NFIB: variants seen among roughly 807,000 people sequenced by gnomAD.
NFIB encodes nuclear factor 1 B-type.
A neutral mutation model predicts 61.5 loss-of-function variants in NFIB; 11 were observed. That is an observed-to-expected ratio of 0.18 (90% CI 0.11 to 0.30). The LOEUF is 0.30. Among genes scored for constraint, NFIB ranks in the 10% least tolerant of loss-of-function variants. The pLI is 1.00. For synonymous variants in NFIB, 260 were observed against 216.5 expected (o/e 1.20, Z -1.76); for missense variants, 471 against 608.9 (o/e 0.77, Z 2.38).
At chr9:14,148,319 G>A (rs2042501999) in intron 5 of NFIB, among the ~76,000 whole-genome samples, 2 of 151,860 alleles carry the variant, frequency 1.3e-5, no homozygotes, top group African/African-American at 4.8e-5. Flanking sequence ...AGAGGGAGTT[G>A]TCCAGGCTGG....
chr9:14,164,741 G>C (rs548072309), intron 3 of NFIB, among the ~76,000 whole-genome samples: 3 of 152,226 alleles, frequency 2.0e-5, no homozygotes, highest in Admixed American at 2.0e-4. Context: ...TGAGTGGACC[G>C]ATTATCCTAG....
the NFIB span, among the ~76,000 whole-genome samples, chr9:14,512,057 C>T: frequency 6.6e-6 from 1 of 152,156 alleles, no homozygotes; most frequent in African/African-American, 2.4e-5. Context: ...ATTTACATTA[C>T]TTGTCTGGTT....
chr9:14,392,396 T>G (rs907297527), intron 1 of NFIB, among the ~76,000 whole-genome samples: 2 of 152,236 alleles, frequency 1.3e-5, no homozygotes, highest in Non-Finnish European at 2.9e-5. Flanking sequence ...TTATATTATC[T>G]TTACAACTTT....
At chr9:14,486,702 CACACACACACACAT>C in the NFIB span, among the ~76,000 whole-genome samples, 2 of 151,806 alleles carry the variant, frequency 1.3e-5, no homozygotes, top group Non-Finnish European at 2.9e-5. Flanking sequence ...TAAATACACA[CACACACACACACAT>C]ACACACACAG....
At chr9:14,174,766 CAAA>C (rs546288962) in intron 3 of NFIB, among the ~76,000 whole-genome samples, 2 of 56,004 alleles carry the variant, frequency 3.6e-5, no homozygotes, top group Non-Finnish European at 4.3e-5. Context: ...GACTCCATCT[CAAA>C]AAAAAAAAAA....
chr9:14,400,631 CTA>C (rs1248920111), upstream of NFIB, among the ~76,000 whole-genome samples: 2 of 152,078 alleles, frequency 1.3e-5, no homozygotes, highest in Admixed American at 6.6e-5. Flanking sequence ...CACATAATAA[CTA>C]TTGAATAATG....
chr9:14,262,040 G>A (rs1267949082), intron 2 of NFIB, among the ~76,000 whole-genome samples: 4 of 152,122 alleles, frequency 2.6e-5, no homozygotes, highest in Non-Finnish European at 5.9e-5. Flanking sequence ...CCACATTTTG[G>A]TGTATCGGTT....
chr9:14,269,890 G>T (rs1588044963), intron 2 of NFIB, among the ~76,000 whole-genome samples: 1 of 152,174 alleles, frequency 6.6e-6, no homozygotes, highest in East Asian at 1.9e-4. Context: ...TTACTCCTCT[G>T]AAAACTACAG....
intron 1 of NFIB, among the ~76,000 whole-genome samples, chr9:14,389,962 A>G (rs1472679615): frequency 6.6e-6 from 1 of 152,236 alleles, no homozygotes; most frequent in East Asian, 1.9e-4. Context: ...ACACGGAAAA[A>G]TCGCTTTCAG....
chr9:14,344,108 AAGAGAGAGAGAGAGAG>A (rs149708104), intron 1 of NFIB, among the ~76,000 whole-genome samples: 1 of 141,458 alleles, frequency 7.1e-6, no homozygotes, highest in Non-Finnish European at 1.5e-5. Context: ...GAGAGAGAGA[AAGAGAGAGAGAGAGAG>A]AGAGAGAGAG....
At chr9:14,377,824 G>T (rs1449421896) in intron 1 of NFIB, among the ~76,000 whole-genome samples, 1 of 152,174 alleles carries the variant, frequency 6.6e-6, no homozygotes, top group Non-Finnish European at 1.5e-5. Context: ...AGAAGCGGAG[G>T]TGAAAGCCTG....
the NFIB span, among the ~76,000 whole-genome samples, chr9:14,508,972 G>C: frequency 6.6e-6 from 1 of 152,144 alleles, no homozygotes; most frequent in East Asian, 1.9e-4. Flanking sequence ...TCAGTACTTA[G>C]AGCAATGAGA....
intron 1 of NFIB, among the ~76,000 whole-genome samples, chr9:14,348,797 C>T (rs2061067297): frequency 6.6e-6 from 1 of 152,250 alleles, no homozygotes; most frequent in Non-Finnish European, 1.5e-5. Context: ...TGGAAACAGC[C>T]CCCTGTGCTC....
chr9:14,488,167 C>T, the NFIB span, among the ~76,000 whole-genome samples: 3 of 151,874 alleles, frequency 2.0e-5, no homozygotes, highest in Non-Finnish European at 4.4e-5. Flanking sequence ...AGTTTGAGAC[C>T]AAATTGGGCA....
chr9:14,250,621 G>T (rs1470140500), intron 2 of NFIB, among the ~76,000 whole-genome samples: 2 of 152,180 alleles, frequency 1.3e-5, no homozygotes, highest in Non-Finnish European at 2.9e-5. Context: ...TAGTTACCTA[G>T]AGAAAAGAGA....
chr9:14,398,602 G>C (rs758808481), exon 1 of NFIB: 13 of 1,533,710 alleles, frequency 8.5e-6, no homozygotes, highest in Middle Eastern at 1.7e-4. Context: ...AGACAACCCA[G>C]AAGTCCACAG....
At chr9:14,424,679 A>G in the NFIB span, among the ~76,000 whole-genome samples, 1 of 152,138 alleles carries the variant, frequency 6.6e-6, no homozygotes, top group South Asian at 2.1e-4. Flanking sequence ...GGCTGGAGCC[A>G]TGGGTCTTAT....
rs2061713982 is a variant in NFIB, at chr9:14,398,815, A to G, written c.-184T>C. 8 of 509,796 alleles carry G rather than the reference A, an allele frequency of 1.6e-5. No homozygotes were observed. In the South Asian group the frequency reaches 2.4e-4, roughly 15 times the overall value. The allele number at this position is 509,796 out of a possible 1,614,324, so 31.6% of individuals were successfully genotyped here. ...CTTTATGGAGCAGAGCAAGCTGTTAAAAACAAAATAGAACAAGAACAAAGG... is the reference window on the plus strand; with the variant it reads ...CTTTATGGAGCAGAGCAAGCTGTTAGAAACAAAATAGAACAAGAACAAAGG... On this transcript the variant is annotated 5_prime_UTR_variant, in exon 1 of 9. Coordinates refer to the NFIB transcript ENST00000380934.
At chr9:14,426,289 A>G in the NFIB span, among the ~76,000 whole-genome samples, 1 of 152,198 alleles carries the variant, frequency 6.6e-6, no homozygotes, top group Non-Finnish European at 1.5e-5. Flanking sequence ...CACCACTGTG[A>G]GCTCTACAGG....
Sources: gnomAD v4.1 joint callset for allele counts (sites outside exome capture counted in the v4.1 genomes callset) on GRCh38, gnomAD v4.1.1 for gene constraint, MANE v1.5 for transcripts, NCBI Gene and HGNC (gene_info 2026-07-23, HGNC 2026-07-21) for gene names.